Variants in ITFG1 observed in about 807,000 individuals in gnomAD.
The protein encoded by ITFG1 is integrin alpha FG-GAP repeat containing 1.
ITFG1 carries 34 observed loss-of-function variants against 81.8 expected under a neutral mutation model. That is an observed-to-expected ratio of 0.42 (90% confidence interval 0.32 to 0.55). ITFG1 has a LOEUF of 0.55. ITFG1 is among the 20% of genes least tolerant of loss of function. ITFG1 has a pLI of 0.17. For missense variants in ITFG1, 672 were observed against 755.4 expected (o/e 0.89, Z 1.29); for synonymous variants, 285 against 270.6 (o/e 1.05, Z -0.52).
intron 14 of ITFG1, among the ~76,000 whole-genome samples, chr16:47,165,092 G>C (rs1964872759): frequency 6.6e-6 from 1 of 152,176 alleles, no homozygotes; most frequent in Non-Finnish European, 1.5e-5. Flanking sequence ...GCAAGTTCAT[G>C]TGGTCCTCAC....
intron 8 of ITFG1, among the ~76,000 whole-genome samples, chr16:47,348,382 G>A (rs562725827): frequency 1.3e-5 from 2 of 152,308 alleles, no homozygotes; most frequent in Non-Finnish European, 2.9e-5. Flanking sequence ...TGATGGAGCT[G>A]AAAACCATGC....
intron 6 of ITFG1, among the ~76,000 whole-genome samples, chr16:47,417,178 G>T (rs1968885822): frequency 6.6e-6 from 1 of 152,156 alleles, no homozygotes; most frequent in South Asian, 2.1e-4. Flanking sequence ...TTGCTGAAAT[G>T]ATTTCAAAAG....
intron 5 of ITFG1, among the ~76,000 whole-genome samples, chr16:47,440,420 G>A (rs1455129799): frequency 6.6e-6 from 1 of 152,104 alleles, no homozygotes; most frequent in East Asian, 1.9e-4. Flanking sequence ...TTCCAAAATT[G>A]ACCACATACG....
At chr16:47,352,298 C>T (rs896373367) in intron 8 of ITFG1, among the ~76,000 whole-genome samples, 1 of 152,026 alleles carries the variant, frequency 6.6e-6, no homozygotes, top group Non-Finnish European at 1.5e-5. Context: ...AAAAGTTTTG[C>T]AATCTACTCA....
chr16:47,224,888 A>T (rs1303301974), intron 13 of ITFG1, among the ~76,000 whole-genome samples: 1 of 152,122 alleles, frequency 6.6e-6, no homozygotes, highest in African/African-American at 2.4e-5. Flanking sequence ...GGTCCCAGCT[A>T]CTCAGGAGGC....
chr16:47,327,354 C>A (rs1246840551), intron 8 of ITFG1, among the ~76,000 whole-genome samples: 1 of 150,752 alleles, frequency 6.6e-6, no homozygotes, highest in East Asian at 1.9e-4. Flanking sequence ...ACATGTTAGA[C>A]CTAAAACCAT....
At chr16:47,357,886 T>A (rs1968061417) in intron 8 of ITFG1, among the ~76,000 whole-genome samples, 1 of 152,172 alleles carries the variant, frequency 6.6e-6, no homozygotes, top group South Asian at 2.1e-4. Context: ...AATTTTTATA[T>A]AAATTATGAT....
chr16:47,217,523 TTGTAAAGGTTTAATA>T (rs1965639039), intron 14 of ITFG1, among the ~76,000 whole-genome samples: 1 of 152,232 alleles, frequency 6.6e-6, no homozygotes, highest in Non-Finnish European at 1.5e-5. Flanking sequence ...AGAGCCTTTT[TTGTAAAGGTTTAATA>T]TGTACATGAA....
intron 10 of ITFG1, among the ~76,000 whole-genome samples, chr16:47,283,611 A>C (rs1966858836): frequency 6.6e-6 from 1 of 152,230 alleles, no homozygotes; most frequent in South Asian, 2.1e-4. Flanking sequence ...TATTCTTAAG[A>C]AGCTGGAAAA....
chr16:47,251,646 G>C (rs935690696), intron 12 of ITFG1, among the ~76,000 whole-genome samples: 2 of 152,218 alleles, frequency 1.3e-5, no homozygotes, highest in African/African-American at 4.8e-5. Context: ...CTTATCCAAA[G>C]GGACATGTTC....
At chr16:47,399,572 C>CAAA (rs749907275) in intron 6 of ITFG1, among the ~76,000 whole-genome samples, 2 of 124,008 alleles carry the variant, frequency 1.6e-5, no homozygotes, top group African/African-American at 3.0e-5. Context: ...GACTCCGTCT[C>CAAA]AAAAAAAAAA....
chr16:47,423,775 T>C (rs867558790), intron 6 of ITFG1, among the ~76,000 whole-genome samples: 1 of 152,256 alleles, frequency 6.6e-6, no homozygotes, highest in South Asian at 2.1e-4. Context: ...TTCTGGCTTG[T>C]AGGTTTTCTG....
chr16:47,344,988 C>T (rs1218813055), intron 8 of ITFG1, among the ~76,000 whole-genome samples: 1 of 152,152 alleles, frequency 6.6e-6, no homozygotes, highest in Non-Finnish European at 1.5e-5. Flanking sequence ...ATTTAGCCAG[C>T]CACTATTCTA....
chr16:47,306,579 T>G (rs1246185248), intron 10 of ITFG1, among the ~76,000 whole-genome samples: 3 of 151,948 alleles, frequency 2.0e-5, no homozygotes, highest in African/African-American at 7.2e-5. Flanking sequence ...CAATATTTAG[T>G]CTTAAAAGCA....
intron 6 of ITFG1, among the ~76,000 whole-genome samples, chr16:47,384,378 T>C (rs954415466): frequency 6.6e-5 from 10 of 152,238 alleles, no homozygotes; most frequent in African/African-American, 2.4e-4. Context: ...AGTAGGCACT[T>C]ACGCTCCATC....
At chr16:47,169,273 T>C (rs954939327) in intron 14 of ITFG1, among the ~76,000 whole-genome samples, 1 of 152,208 alleles carries the variant, frequency 6.6e-6, no homozygotes, top group African/African-American at 2.4e-5. Context: ...ACCACTTGAA[T>C]CTGTAGATTG....
intron 10 of ITFG1, among the ~76,000 whole-genome samples, chr16:47,294,787 T>C (rs1036200238): frequency 6.6e-6 from 1 of 152,148 alleles, no homozygotes; most frequent in Admixed American, 6.5e-5. Flanking sequence ...TTCTAGGTGT[T>C]AGACCATATC....
Position 47,302,929 on chromosome 16 carries a change from A to G in ITFG1, c.1070+8311T>C, listed in dbSNP as rs117733885. ...TGAACTAAGCTTCTTCTCTGCAAAA[A>G]CAGAGACGGGGTCTTGATATTTAGA... On this transcript the variant is annotated intron_variant, in intron 10 of 17. Coordinates refer to ENST00000320640, the MANE Select transcript of ITFG1 (RefSeq NM_030790.5). Among the ~76,000 whole-genome samples the G allele has an allele frequency of 1.3e-4, 20 of 152,310 alleles. No homozygotes were observed. The East Asian group carries it at 3.7e-3, about 28-fold the overall frequency.
intron 6 of ITFG1, among the ~76,000 whole-genome samples, chr16:47,383,628 G>A (rs1221737916): frequency 4.6e-5 from 7 of 152,216 alleles, no homozygotes; most frequent in African/African-American, 9.7e-5. Flanking sequence ...AGACTGGGCC[G>A]GGCATGGTGG....
Sources: allele counts gnomAD v4.1 joint callset (sites outside exome capture counted in the v4.1 genomes callset), GRCh38; gene constraint gnomAD v4.1.1; transcripts MANE v1.5; gene names NCBI Gene and HGNC (gene_info 2026-07-23, HGNC 2026-07-21).